Variants in CADPS observed in about 807,000 individuals in gnomAD.
CADPS encodes calcium dependent secretion activator.
A neutral mutation model predicts 167.3 loss-of-function variants in CADPS; 57 were observed. That is an observed-to-expected ratio of 0.34 (90% CI 0.28 to 0.42). The LOEUF (loss-of-function observed/expected upper bound fraction) is 0.42. Ranked by LOEUF, CADPS falls within the 20% of genes least tolerant of loss-of-function variation. The pLI is 1.00. For synonymous variants in CADPS, 676 were observed against 635.3 expected, an observed-to-expected ratio of 1.06 and a Z score of -0.96; for missense variants, 1,414 against 1,738.1, an observed-to-expected ratio of 0.81 and a Z score of 3.32.
intron 6 of CADPS, among the ~76,000 whole-genome samples, chr3:62,593,383 C>A (rs908770059): frequency 1.3e-5 from 2 of 152,176 alleles, no homozygotes; most frequent in African/African-American, 4.8e-5. Context: ...CCTGGCTTAC[C>A]CAAAATCTGG....
chr3:62,536,514 G>C lies in CADPS; in HGVS notation c.2034C>G (p.His678Gln). 1 of 1,612,952 alleles carries C rather than the reference G, an allele frequency of 6.2e-7. No individual in the cohort carries two copies. The highest frequency in any genetic ancestry group is 8.5e-7 in the Non-Finnish European group (1 of 1,179,088). The change falls in exon 12 of 30, where the codon CAC becomes CAG. Residue 678 changes from histidine to glutamine, a missense_variant. Around this residue, in one of 6 missense-constraint regions of CADPS, gnomAD observed 529 missense variants for 629.6 expected, o/e 0.84. Coordinates refer to ENST00000383710, the MANE Select transcript of CADPS (RefSeq NM_003716.4). ...GTTGTACCATCTCAAAGAGGGAAGC[G>C]TGGTCAAAGTTACAGGGGTTGGAAG... ...FISSNPCNFDHASLFEMVQRL... is the reference protein window; with the variant it reads ...FISSNPCNFDQASLFEMVQRL...
At chr3:62,828,133 T>C (rs2074398567) in intron 1 of CADPS, among the ~76,000 whole-genome samples, 1 of 152,154 alleles carries the variant, frequency 6.6e-6, no homozygotes, top group Non-Finnish European at 1.5e-5. Context: ...TGCCCAGTCA[T>C]GGTCATTCAA....
Position 62,478,250 on chromosome 3 carries a change from C to A in CADPS, c.3329+11G>T. 1 of 1,613,490 alleles carries A rather than the reference C, an allele frequency of 6.2e-7. No individual in the cohort carries two copies. Among genetic ancestry groups the A allele is most frequent in the Non-Finnish European group, 8.5e-7 (1 of 1,179,762 alleles). On this transcript the variant is annotated intron_variant, in intron 23 of 29. Transcript: ENST00000383710. This position sits in a 1 kb window ranked among gnomAD's most constrained non-coding sequence, Gnocchi z 5.7. ...AGGGTGTGCAGAACCTGTCCAGCCA[C>A]CTATACTTACCTTTTGACACAAGAT...
At chr3:62,871,743 A>C (rs1226299721) in intron 1 of CADPS, among the ~76,000 whole-genome samples, 1 of 152,210 alleles carries the variant, frequency 6.6e-6, no homozygotes, top group African/African-American at 2.4e-5. Flanking sequence ...AAATCTGAAT[A>C]AACTACAGAC....
intron 1 of CADPS, among the ~76,000 whole-genome samples, chr3:62,860,749 G>A (rs1197270348): frequency 1.3e-5 from 2 of 152,138 alleles, no homozygotes; most frequent in Non-Finnish European, 2.9e-5. Flanking sequence ...AAGAGACAGA[G>A]GATCAGGAAT....
chr3:62,855,901 T>A (rs1577400502), intron 1 of CADPS, among the ~76,000 whole-genome samples: 1 of 152,180 alleles, frequency 6.6e-6, no homozygotes, highest in East Asian at 1.9e-4. Context: ...CCCTAAAAAT[T>A]TTATTGTAGT....
At chr3:62,765,743 A>C (rs1023045886) in intron 2 of CADPS, 128 bp downstream of exon 2, 1 of 562,620 alleles carries the variant, frequency 1.8e-6, no homozygotes, top group Non-Finnish European at 3.2e-6. Flanking sequence ...ACGAATCACC[A>C]ACCCATTTGC....
At chr3:62,840,914 C>A (rs75484106) in intron 1 of CADPS, among the ~76,000 whole-genome samples, 3,485 of 152,156 alleles carry the variant, frequency 0.023, 59 homozygotes, top group South Asian at 0.054. Context: ...TGTGATATAC[C>A]GATTAGGAAA....
chr3:62,428,692 G>T (rs1487303332), intron 28 of CADPS, among the ~76,000 whole-genome samples: 1 of 152,190 alleles, frequency 6.6e-6, no homozygotes, highest in Non-Finnish European at 1.5e-5. Flanking sequence ...GTGGCAGGGG[G>T]CTGTATTACA....
intron 2 of CADPS, among the ~76,000 whole-genome samples, chr3:62,759,205 T>C (rs903456999): frequency 2.0e-5 from 3 of 152,158 alleles, no homozygotes; most frequent in Non-Finnish European, 2.9e-5. Flanking sequence ...TCCTGGGCTT[T>C]AATTTCCTCA....
chr3:62,508,954 T>C (rs945322767), intron 17 of CADPS, among the ~76,000 whole-genome samples: 1 of 152,086 alleles, frequency 6.6e-6, no homozygotes, highest in African/African-American at 2.4e-5. Context: ...GATGAGGTGC[T>C]AGTCCACAGA....
At chr3:62,650,065 CAT>C (rs2069691535) in intron 5 of CADPS, among the ~76,000 whole-genome samples, 1 of 152,166 alleles carries the variant, frequency 6.6e-6, no homozygotes, top group Non-Finnish European at 1.5e-5. Flanking sequence ...TTTGTGCAGA[CAT>C]GTGTTTTCAT....
Position 62,417,219 on chromosome 3 carries a change from C to T in CADPS, c.3778-14034G>A, listed in dbSNP as rs560446376. 4.0e-5 allele frequency among the ~76,000 whole-genome samples: 6 copies of T among 150,800 alleles called. No individual in the cohort carries two copies. The South Asian group carries it at 8.3e-4, about 21-fold the overall frequency. On this transcript the variant is annotated intron_variant, in intron 28 of 29. Coordinates refer to ENST00000383710, the MANE Select transcript of CADPS (RefSeq NM_003716.4). Reference sequence around the variant, plus strand: ...TGAGAAGTTCTGTAGTAGAGAAGTCCGTTTAACTTTGTGTTTTTCCAAATG... The same window carrying T: ...TGAGAAGTTCTGTAGTAGAGAAGTCTGTTTAACTTTGTGTTTTTCCAAATG...
Position 62,765,928 on chromosome 3 carries a change from C to G in CADPS, c.498G>C (p.Gly166=), listed in dbSNP as rs753242340. 1 of 1,613,508 alleles carries G rather than the reference C, an allele frequency of 6.2e-7. No homozygotes were observed. The highest frequency in any genetic ancestry group is 8.5e-7 in the Non-Finnish European group (1 of 1,179,566). The stretch of plus-strand genomic sequence containing the variant: ...CTTCGTCAGCCATGATCTGGGTTTC[C>G]CCATTGAGGAAAGCCTGAAACCGGT... ...VKDRFQAFLN[G]ETQIMADEAF... Residue 166 remains glycine, a synonymous_variant, in exon 2 of 30, where the codon GGG becomes GGC. Transcript: ENST00000383710.
rs1424909967 is a variant in CADPS, at chr3:62,403,297, G to A, written c.3778-112C>T. 7 of 694,622 alleles carry A rather than the reference G, an allele frequency of 1.0e-5. No homozygotes were observed. In the Admixed American group the frequency reaches 1.3e-4, roughly 13 times the overall value. The allele number at this position is 694,622 out of a possible 1,614,324, so 43.0% of individuals were successfully genotyped here. ...ACTCTGTTCCAGGAGGAAACAAAAT[G>A]GTTAAAGAGAATTTGAGAGCATAGA... On this transcript the variant is annotated intron_variant, in intron 28 of 29. Transcript: ENST00000383710.
At chr3:62,694,732 T>A (rs2079947544) in intron 3 of CADPS, among the ~76,000 whole-genome samples, 1 of 151,984 alleles carries the variant, frequency 6.6e-6, no homozygotes, top group Admixed American at 6.6e-5. Context: ...CTTCTGCCCA[T>A]AGAATTAACA....
chr3:62,510,216 A>ATCTATCTATCTG (rs2067517484), intron 17 of CADPS, among the ~76,000 whole-genome samples: 1 of 151,404 alleles, frequency 6.6e-6, no homozygotes, highest in African/African-American at 2.4e-5. Flanking sequence ...CTATCTATCT[A>ATCTATCTATCTG]TCTATCTATC....
intron 26 of CADPS, among the ~76,000 whole-genome samples, chr3:62,457,622 G>T (rs2058845105): frequency 6.6e-6 from 1 of 152,158 alleles, no homozygotes; most frequent in Non-Finnish European, 1.5e-5. Context: ...TAATAGTTTG[G>T]ATTGCTTACA....
At chr3:62,769,905 A>T (rs1463495580) in intron 1 of CADPS, among the ~76,000 whole-genome samples, 2 of 152,070 alleles carry the variant, frequency 1.3e-5, no homozygotes, top group Admixed American at 6.6e-5. Flanking sequence ...GATAAAACTG[A>T]CTTCCCAAAG....
Sources: allele counts gnomAD v4.1 joint callset (sites outside exome capture counted in the v4.1 genomes callset), GRCh38; gene constraint gnomAD v4.1.1; regional missense constraint gnomAD v4.1.1; non-coding constraint Gnocchi (gnomAD v3.1); transcripts MANE v1.5; gene names NCBI Gene and HGNC (gene_info 2026-07-23, HGNC 2026-07-21).